The following RAB14 variants were observed in gnomAD, a reference collection of about 807,000 sequenced individuals.
RAB14 encodes the protein RAB14, member RAS oncogene family.
Under a neutral mutation model 31.1 loss-of-function variants are expected in RAB14, and 3 were observed. The observed-to-expected ratio is 0.10, with a 90% CI of 0.04 to 0.25. The LOEUF (loss-of-function observed/expected upper bound fraction) is 0.25. RAB14 is among the 10% of genes least tolerant of loss of function. RAB14 has a pLI of 1.00. For missense variants in RAB14, 111 were observed against 260.1 expected, an observed-to-expected ratio of 0.43 and a Z score of 3.94; for synonymous variants, 85 against 84.9, an observed-to-expected ratio of 1.00 and a Z score of 0.00.
chr9:121,183,460 A>C (rs1476530871), intron 5 of RAB14, 62 bp from the exon 6 acceptor site: 1 of 1,290,102 alleles, frequency 7.8e-7, no homozygotes, highest in African/African-American at 1.5e-5. Context: ...CCAACCATGC[A>C]AATTCTGAAA....
rs1171695246 is a variant in RAB14, at chr9:121,178,169, T to C, written c.*3227A>G. On this transcript the variant is annotated 3_prime_UTR_variant, in exon 8 of 8. Transcript: ENST00000373840. ...CAAGGTTTTTATTCCAAAACAGTTA[T>C]TTGGCTAGACGTGAACCGTTAAGAT... 6.6e-6 allele frequency: 1 copy of C among 152,240 alleles called. No homozygotes were observed. Among genetic ancestry groups the C allele is most frequent in the African/African-American group, 2.4e-5 (1 of 41,450 alleles). 9.4% of individuals were successfully genotyped at this position (152,240 alleles called of 1,614,324 possible).
chr9:121,197,850 TA>T (rs1359500098), intron 1 of RAB14, among the ~76,000 whole-genome samples: 3 of 152,120 alleles, frequency 2.0e-5, no homozygotes, highest in Non-Finnish European at 2.9e-5. Flanking sequence ...AAACTGGAAA[TA>T]ATCAGCAAAG....
intron 4 of RAB14, among the ~76,000 whole-genome samples, chr9:121,188,065 C>T (rs2053667099): frequency 1.3e-5 from 2 of 151,812 alleles, no homozygotes; most frequent in Non-Finnish European, 2.9e-5. Context: ...CTGAAAAGAA[C>T]TCCTTAGTCA....
Position 121,180,128 on chromosome 9 carries a change from T to C in RAB14, c.*1268A>G, listed in dbSNP as rs1376309996. ...ACTTTCCCTTTTACAAAACAATTTA[T>C]GCCAACATGACATAAAACAGCCCCT... On this transcript the variant is annotated 3_prime_UTR_variant, in exon 8 of 8. Coordinates refer to ENST00000373840, the MANE Select transcript of RAB14 (RefSeq NM_016322.4). The C allele has an allele frequency of 1.3e-5, 2 of 152,634 alleles. No homozygotes were observed. The highest frequency in any genetic ancestry group is 2.9e-5 in the Non-Finnish European group (2 of 68,028). The allele number at this position is 152,634 out of a possible 1,614,324, so 9.5% of individuals were successfully genotyped here. A position where few individuals can be genotyped will look rare whatever the true frequency, so the allele number is the denominator to read the frequency against.
chr9:121,195,691 T>G (rs1019405952), intron 1 of RAB14, among the ~76,000 whole-genome samples: 1 of 152,136 alleles, frequency 6.6e-6, no homozygotes, highest in Admixed American at 6.5e-5. Context: ...ACATTTTTCT[T>G]GCTCGTTTCT....
At chr9:121,186,092 C>T (rs542897278) in intron 5 of RAB14, among the ~76,000 whole-genome samples, 1 of 152,266 alleles carries the variant, frequency 6.6e-6, no homozygotes, top group African/African-American at 2.4e-5. Flanking sequence ...GAGACACAAG[C>T]CTTGTTCCTG....
chr9:121,188,129 A>G (rs1164056408), intron 4 of RAB14, among the ~76,000 whole-genome samples: 1 of 152,018 alleles, frequency 6.6e-6, no homozygotes, highest in Non-Finnish European at 1.5e-5. Flanking sequence ...AGATGTCAAA[A>G]AAGTCATATA....
intron 4 of RAB14, among the ~76,000 whole-genome samples, chr9:121,187,326 G>C (rs2053663905): frequency 6.6e-6 from 1 of 152,046 alleles, no homozygotes; most frequent in Non-Finnish European, 1.5e-5. Context: ...TAAATTGATG[G>C]AAATGCCAAT....
intron 1 of RAB14, among the ~76,000 whole-genome samples, chr9:121,197,211 A>G (rs73660416): frequency 2.2e-3 from 328 of 152,302 alleles, no homozygotes; most frequent in African/African-American, 7.6e-3. Flanking sequence ...TGCATAGTAA[A>G]CACTAACAAC....
At chr9:121,195,118 C>T (rs2053708310) in intron 1 of RAB14, among the ~76,000 whole-genome samples, 1 of 152,072 alleles carries the variant, frequency 6.6e-6, no homozygotes, top group Admixed American at 6.6e-5. Context: ...TGAACTTGGT[C>T]CTGAGACTAA....
At chr9:121,196,109 A>C (rs1252991056) in intron 1 of RAB14, among the ~76,000 whole-genome samples, 2 of 152,140 alleles carry the variant, frequency 1.3e-5, no homozygotes, top group South Asian at 4.1e-4. Flanking sequence ...GAGTCTAAAA[A>C]AAAGGACAGG....
At chr9:121,198,617 C>T (rs2053731967) in intron 1 of RAB14, among the ~76,000 whole-genome samples, 2 of 152,124 alleles carry the variant, frequency 1.3e-5, no homozygotes, top group African/African-American at 4.8e-5. Context: ...ACATGCACGA[C>T]GTTTTGTTAA....
intron 4 of RAB14, among the ~76,000 whole-genome samples, chr9:121,190,016 T>C (rs760913896): frequency 2.2e-4 from 34 of 152,260 alleles, no homozygotes; most frequent in Admixed American, 3.9e-4. Context: ...TTGAAATAAA[T>C]TTAAACCTAC....
Position 121,181,537 on chromosome 9 carries a change from G to A in RAB14, c.507C>T (p.Ala169=). 1 of 1,612,696 alleles carries A rather than the reference G, an allele frequency of 6.2e-7. No homozygotes were observed. The highest frequency in any genetic ancestry group is 8.5e-7 in the Non-Finnish European group (1 of 1,179,004). The part of the protein sequence containing the change: ...ENVEDAFLEA[A]KKIYQNIQDG... ...CCTGAATGTTCTGATAGATTTTCTT[G>A]GCAGCCTCAAGGAAGGCATCTTCTA... Residue 169 remains alanine, a synonymous_variant, in exon 8 of 8, where the codon GCC becomes GCT. Coordinates refer to ENST00000373840, the MANE Select transcript of RAB14 (RefSeq NM_016322.4).
chr9:121,179,268 G>A lies in RAB14; in HGVS notation c.*2128C>T, dbSNP rs777639591. On this transcript the variant is annotated 3_prime_UTR_variant, in exon 8 of 8. Transcript: ENST00000373840. ...TCACCTGAAGAAAAACCCTATTATAGTTCAGAAAATAATGCAACCAATTTT... is the reference window on the plus strand; with the variant it reads ...TCACCTGAAGAAAAACCCTATTATAATTCAGAAAATAATGCAACCAATTTT... 4 of 152,584 alleles carry A rather than the reference G, an allele frequency of 2.6e-5. No homozygotes were observed. The allele number at this position is 152,584 out of a possible 1,614,324, so 9.5% of individuals were successfully genotyped here.
Position 121,190,692 on chromosome 9 carries a change from C to A in RAB14, c.146G>T (p.Gly49Val). 6.2e-7 allele frequency: 1 copy of A among 1,613,076 alleles called. No homozygotes were observed. The highest frequency in any genetic ancestry group is 8.5e-7 in the Non-Finnish European group (1 of 1,179,444). ...DCPHTIGVEF[G>V]TRIIEVSGQK... ...GCCACTAACTTCGATTATTCTTGTA[C>A]CAAATTCAACACCAATTGTGTGAGG... The change falls in exon 4 of 8, where the codon GGT becomes GTT. Residue 49 changes from glycine (G) to valine (V), a missense_variant. By Grantham distance (109) the Gly-to-Val change is moderately radical. Coordinates refer to ENST00000373840, the MANE Select transcript of RAB14 (RefSeq NM_016322.4).
In RAB14 at chr9:121,179,124, G is replaced by A. The variant is rs1003506010; in HGVS notation, c.*2272C>T. 2.0e-5 allele frequency: 3 copies of A among 152,184 alleles called. No individual in the cohort carries two copies. The highest frequency in any genetic ancestry group is 1.3e-4 in the Admixed American group (2 of 15,282). The allele number at this position is 152,184 out of a possible 1,614,324, so 9.4% of individuals were successfully genotyped here. A position where few individuals can be genotyped will look rare whatever the true frequency, so the allele number is the denominator to read the frequency against. On this transcript the variant is annotated 3_prime_UTR_variant, in exon 8 of 8. Transcript: ENST00000373840. ...CATTTCAAGGGTAATGTAAACACAA[G>A]AATAAAGCTGTGGGTCTATTACTTA...
At chr9:121,193,568 AC>A (rs1277972743) in intron 1 of RAB14, 149 bp from the exon 2 acceptor site, 1 of 588,476 alleles carries the variant, frequency 1.7e-6, no homozygotes, top group African/African-American at 2.0e-5. Context: ...CATTTCACAA[AC>A]TGATCAAATA....
chr9:121,193,347 TTAAA>T lies in RAB14; in HGVS notation c.52+10_52+13del. The stretch of plus-strand genomic sequence containing the variant: ...CTTCTTTTGGGAACAAGAGTGTAAG[TTAAA>T]TAAACTTACCAATAATAATATATTT... On this transcript the variant is annotated intron_variant, in intron 2 of 7. Coordinates refer to ENST00000373840, the MANE Select transcript of RAB14 (RefSeq NM_016322.4). 2 of 1,537,612 alleles carry T rather than the reference TTAAA, an allele frequency of 1.3e-6. No individual in the cohort carries two copies. The highest frequency in any genetic ancestry group is 8.9e-7 in the Non-Finnish European group (1 of 1,122,502).
Sources: allele counts gnomAD v4.1 joint callset (sites outside exome capture counted in the v4.1 genomes callset), GRCh38; gene constraint gnomAD v4.1.1; transcripts MANE v1.5; gene names NCBI Gene and HGNC (gene_info 2026-07-23, HGNC 2026-07-21).